DCX: variants seen among roughly 807,000 people sequenced by gnomAD.
The protein encoded by DCX is doublecortin.
Under a neutral mutation model 20.9 loss-of-function variants are expected in DCX, and 4 were observed. The observed-to-expected ratio is 0.19, with a 90% CI of 0.09 to 0.44. The LOEUF (loss-of-function observed/expected upper bound fraction) is 0.44, where lower values mean the gene tolerates loss of function less well. Among genes scored for constraint, DCX ranks in the 20% least tolerant of loss-of-function variants. The pLI, the probability that DCX is intolerant of heterozygous loss-of-function variation, is 0.99. For missense variants in DCX, 133 were observed against 296.9 expected (o/e 0.45, Z 4.06); for synonymous variants, 103 against 111.4 (o/e 0.92, Z 0.47).
chrX:111,308,160 A>G (rs982377393), intron 6 of DCX, among the ~76,000 whole-genome samples: 2 of 112,511 alleles, frequency 1.8e-5, no homozygotes, highest in African/African-American at 6.5e-5. Flanking sequence ...CATATTGCTT[A>G]GCAATACAAA....
chrX:111,362,525 T>A (rs1372323231), intron 3 of DCX, among the ~76,000 whole-genome samples: 1 of 111,661 alleles, frequency 9.0e-6, no homozygotes. Flanking sequence ...GTGCTGTGCC[T>A]GCTAATGAGC....
chrX:111,357,796 GA>G (rs375435343), intron 3 of DCX, among the ~76,000 whole-genome samples: 2,160 of 97,349 alleles, frequency 0.022, 53 homozygotes, highest in African/African-American at 0.071. Context: ...GAGAAAAAAA[GA>G]AAAAAAAAAA....
At chrX:111,394,737 A>G (rs1569496668) in intron 3 of DCX, among the ~76,000 whole-genome samples, 2 of 111,805 alleles carry the variant, frequency 1.8e-5, no homozygotes, top group South Asian at 3.8e-4. Flanking sequence ...AACCACCCCC[A>G]TTAGTAATAA....
intron 5 of DCX, among the ~76,000 whole-genome samples, chrX:111,330,324 G>C (rs1288584349): frequency 1.8e-5 from 2 of 112,436 alleles, no homozygotes; most frequent in African/African-American, 6.5e-5. Context: ...CCACTAAATA[G>C]AATCTTCTAT....
intron 3 of DCX, among the ~76,000 whole-genome samples, chrX:111,397,354 C>A (rs1435205588): frequency 9.0e-6 from 1 of 111,460 alleles, no homozygotes; most frequent in African/African-American, 3.3e-5. Flanking sequence ...TCACGTATAG[C>A]CAAAAACATG....
At chrX:111,317,914 C>T (rs910883587) in intron 5 of DCX, among the ~76,000 whole-genome samples, 6 of 110,832 alleles carry the variant, frequency 5.4e-5, no homozygotes, top group Admixed American at 9.6e-5. Context: ...TGGCCAGGCA[C>T]GGTGGCTCAT....
rs186700097 is a variant in DCX, at chrX:111,411,063, G to T, written c.-22-643C>A. On this transcript the variant is annotated intron_variant, in intron 1 of 6. Transcript: ENST00000636035. The stretch of plus-strand genomic sequence containing the variant: ...TTCTCCTTTAAAGGGACAGCCTCCA[G>T]GGAACAGCCAGTGTCTTTGTGCTAT... The T allele has an allele frequency of 5.4e-4, 449 of 826,003 alleles. 2 individuals carry two copies. The African/African-American group carries it at 8.0e-3, about 15-fold the overall frequency. 68.1% of individuals were successfully genotyped at this position (826,003 alleles called of 1,213,427 possible).
At chrX:111,410,537 T>C in intron 1 of DCX, 117 bp from the exon 2 acceptor site, 1 of 1,038,373 alleles carries the variant, frequency 9.6e-7, no homozygotes, top group South Asian at 2.0e-5. Flanking sequence ...ATCTGCTGCT[T>C]GTGAAAAGAA....
At chrX:111,375,187 A>T (rs956243446) in intron 3 of DCX, among the ~76,000 whole-genome samples, 5 of 107,811 alleles carry the variant, frequency 4.6e-5, no homozygotes, top group African/African-American at 1.7e-4. Context: ...AAATCTACAC[A>T]TGATAAAATT....
At chrX:111,373,053 A>G (rs60795418) in intron 3 of DCX, among the ~76,000 whole-genome samples, 105 of 100,663 alleles carry the variant, frequency 1.0e-3, no homozygotes, top group African/African-American at 3.8e-3. Flanking sequence ...TGATAACACA[A>G]TGAAATGAAA....
At chrX:111,363,297 G>A (rs2147695941) in intron 3 of DCX, among the ~76,000 whole-genome samples, 1 of 110,658 alleles carries the variant, frequency 9.0e-6, no homozygotes, top group South Asian at 4.0e-4. Context: ...TGGGGAGGGT[G>A]ATCAGGCAGA....
In DCX at chrX:111,409,530, GC is replaced by G. The variant is rs1413633127; in HGVS notation, c.364+504del. 2.7e-5 allele frequency among the ~76,000 whole-genome samples: 3 copies of G among 111,750 alleles called. No homozygotes were observed. The Admixed American group carries it at 2.8e-4, about 11-fold the overall frequency. On this transcript the variant is annotated intron_variant, in intron 2 of 6. Coordinates refer to ENST00000636035, the MANE Select transcript of DCX (RefSeq NM_001195553.2). ...GCTTTTTAGAAGCAACAGCTGAGCCGCGACCACTTACCTAAAAGAATAATCC... is the reference window on the plus strand; with the variant it reads ...GCTTTTTAGAAGCAACAGCTGAGCCGGACCACTTACCTAAAAGAATAATCC...
intron 3 of DCX, among the ~76,000 whole-genome samples, chrX:111,364,562 T>A (rs938841025): frequency 8.9e-6 from 1 of 111,947 alleles, no homozygotes; most frequent in Non-Finnish European, 1.9e-5. Flanking sequence ...CAGCATTTTT[T>A]AATTTCCATA....
chrX:111,311,549 TAC>T (rs1338560123), intron 6 of DCX, among the ~76,000 whole-genome samples: 1 of 111,630 alleles, frequency 9.0e-6, no homozygotes, highest in East Asian at 2.8e-4. Flanking sequence ...TGTCACTCAA[TAC>T]AGAGTTGAGA....
At position 111,301,929 on chromosome X, in the gene DCX, T is replaced by C. The variant is rs186579936; in HGVS notation, c.1045-186A>G. ...AATGTACCCTTCATTCAATTTTCCC[T>C]AATGGTACCATCTTGCAGTTTAACA... On this transcript the variant is annotated intron_variant, in intron 6 of 6. Transcript: ENST00000636035. Among the ~76,000 whole-genome samples, 292 of 112,002 alleles carry C rather than the reference T, an allele frequency of 2.6e-3. 1 individual carries two copies. The highest frequency in any genetic ancestry group is 8.9e-3 in the African/African-American group (274 of 30,799).
intron 3 of DCX, among the ~76,000 whole-genome samples, chrX:111,373,322 C>T (rs916959349): frequency 4.5e-5 from 5 of 111,650 alleles, no homozygotes; most frequent in Non-Finnish European, 9.4e-5. Context: ...TGCAAGAAAT[C>T]CCTTCCCTGG....
chrX:111,319,930 C>T (rs1415179291), intron 5 of DCX, among the ~76,000 whole-genome samples: 2 of 111,951 alleles, frequency 1.8e-5, no homozygotes, highest in Non-Finnish European at 3.8e-5. Flanking sequence ...ATATATGTTC[C>T]CAATTCCCCT....
At chrX:111,380,478 A>G (rs1194750787) in intron 3 of DCX, among the ~76,000 whole-genome samples, 3 of 111,632 alleles carry the variant, frequency 2.7e-5, no homozygotes, top group Non-Finnish European at 5.7e-5. Flanking sequence ...TTGGTTGTAA[A>G]TGTAAGAGTT....
intron 3 of DCX, among the ~76,000 whole-genome samples, chrX:111,366,033 G>C (rs1179280082): frequency 8.9e-6 from 1 of 112,179 alleles, no homozygotes; most frequent in Non-Finnish European, 1.9e-5. Context: ...AATGTCCCCT[G>C]TTGGACAAAA....
Sources: gnomAD v4.1 joint callset for allele counts (sites outside exome capture counted in the v4.1 genomes callset) on GRCh38, gnomAD v4.1.1 for gene constraint, MANE v1.5 for transcripts, NCBI Gene and HGNC (gene_info 2026-07-23, HGNC 2026-07-21) for gene names.